Variants in CKAP5 observed in about 807,000 individuals in gnomAD.
CKAP5 encodes cytoskeleton associated protein 5.
In CKAP5, 27 loss-of-function variants were observed where a neutral mutation model predicts 232.8. The ratio of observed to expected loss-of-function variants is 0.12; its 90% CI spans 0.09 to 0.16. The LOEUF (loss-of-function observed/expected upper bound fraction) is 0.16, where lower values mean the gene tolerates loss of function less well. Among genes scored for constraint, CKAP5 ranks in the 10% least tolerant of loss-of-function variants. The probability of loss-of-function intolerance (pLI) is 1.00; values close to 1 mark genes in which losing one functional copy is unlikely to be tolerated. For missense variants in CKAP5, 1,838 were observed against 2,424.7 expected (o/e 0.76, Z 5.08); for synonymous variants, 785 against 841.1 (o/e 0.93, Z 1.16).
chr11:46,840,913 G>A (rs1354743327), intron 1 of CKAP5, among the ~76,000 whole-genome samples: 1 of 152,134 alleles, frequency 6.6e-6, no homozygotes, highest in African/African-American at 2.4e-5. Flanking sequence ...CATCTGAGTT[G>A]GGGGCAGTCT....
intron 1 of CKAP5, among the ~76,000 whole-genome samples, chr11:46,833,775 CTAAG>C (rs1225454048): frequency 6.7e-6 from 1 of 149,408 alleles, no homozygotes; most frequent in Non-Finnish European, 1.5e-5. Context: ...CTGGGCCCAG[CTAAG>C]TAAGTAGTAG....
rs1386136885 is a variant in CKAP5 at position 46,743,313 on chromosome 11, A to T, written c.*710T>A. 6.6e-6 allele frequency: 1 copy of T among 152,190 alleles called. No homozygotes were observed. The highest frequency in any genetic ancestry group is 1.5e-5 in the Non-Finnish European group (1 of 68,028). 9.4% of individuals were successfully genotyped at this position (152,190 alleles called of 1,614,324 possible). A position where few individuals can be genotyped will look rare whatever the true frequency, so the allele number is the denominator to read the frequency against. The stretch of plus-strand genomic sequence containing the variant: ...CATGACCAAAATCTCAAAACAAGGA[A>T]GGATGAGATTTTTCTGCTCCCTAGG... On this transcript the variant is annotated 3_prime_UTR_variant, in exon 44 of 44. Coordinates refer to ENST00000529230, the MANE Select transcript of CKAP5 (RefSeq NM_001008938.4).
At chr11:46,837,996 G>C (rs1194713157) in intron 1 of CKAP5, among the ~76,000 whole-genome samples, 1 of 151,914 alleles carries the variant, frequency 6.6e-6, no homozygotes, top group Non-Finnish European at 1.5e-5. Flanking sequence ...ATTCACTGTA[G>C]AAACCTCACA....
intron 18 of CKAP5, among the ~76,000 whole-genome samples, chr11:46,782,235 G>A (rs4752933): frequency 0.14 from 21,140 of 151,952 alleles, 2,472 homozygotes; most frequent in East Asian, 0.61. Context: ...ATTTAATTTC[G>A]TTCATGATGT....
intron 1 of CKAP5, among the ~76,000 whole-genome samples, chr11:46,843,084 G>C (rs113825315): frequency 1.3e-5 from 2 of 151,522 alleles, no homozygotes; most frequent in African/African-American, 4.8e-5. Context: ...AGGAGTTCAA[G>C]ACTAGCCTGG....
Position 46,777,449 on chromosome 11 carries a change from C to T in CKAP5, c.2852G>A (p.Gly951Glu), listed in dbSNP as rs768837573. Residue 951 changes from glycine (G) to glutamate (E), a missense_variant, in exon 23 of 44, where the codon GGA becomes GAA. Gly to Glu is a moderately conservative substitution (Grantham distance 98, BLOSUM62 -2). Transcript: ENST00000529230. The part of the protein sequence containing the change: ...NLGIPIITVL[G>E]DSKNNVRAAA... ...AAGAGTTAGGTTTACCTTGCTGTCT[C>T]CAAGGACTGTGATGATAGGGATGCC... 1.4e-5 allele frequency: 23 copies of T among 1,604,662 alleles called. No homozygotes were observed. The highest frequency in any genetic ancestry group is 1.7e-5 in the Non-Finnish European group (20 of 1,171,454).
intron 20 of CKAP5, among the ~76,000 whole-genome samples, chr11:46,779,294 G>A (rs888066936): frequency 6.6e-6 from 1 of 151,898 alleles, no homozygotes; most frequent in Middle Eastern, 3.2e-3. Flanking sequence ...TACCACACTC[G>A]GCTGACTTTT....
intron 11 of CKAP5, 133 bp downstream of exon 11, chr11:46,797,672 C>A: frequency 1.2e-6 from 1 of 825,166 alleles, no homozygotes; most frequent in Non-Finnish European, 1.9e-6. Flanking sequence ...AGTTTCCAAG[C>A]TGCAAAGGCT....
chr11:46,796,148 G>A (rs933208005), intron 12 of CKAP5, among the ~76,000 whole-genome samples: 2 of 125,044 alleles, frequency 1.6e-5, no homozygotes, highest in Non-Finnish European at 3.2e-5. Flanking sequence ...CTGGGTGACA[G>A]AGTGAGATTC....
chr11:46,821,194 T>C lies in CKAP5; in HGVS notation c.38A>G (p.Asp13Gly). ...TCTTACCTTGTGTTCACATTTCTGA[T>C]CAACTGGCAGTTTCAACCACTCACT... ...DDSEWLKLPV[D>G]QKCEHKLWKA... is the part of the protein sequence containing the mutation. Residue 13 changes from aspartate to glycine, a missense_variant, in exon 2 of 44, where the codon GAT (aspartate) becomes GGT (glycine). Coordinates refer to ENST00000529230, the MANE Select transcript of CKAP5 (RefSeq NM_001008938.4). The C allele has an allele frequency of 4.3e-6, 7 of 1,613,336 alleles. No homozygotes were observed. The highest frequency in any genetic ancestry group is 5.9e-6 in the Non-Finnish European group (7 of 1,179,374).
At chr11:46,766,357 T>C (rs1281286963) in intron 27 of CKAP5, among the ~76,000 whole-genome samples, 2 of 152,154 alleles carry the variant, frequency 1.3e-5, no homozygotes, top group African/African-American at 4.8e-5. Flanking sequence ...AAATAAGCAC[T>C]TGTTAAATTT....
At chr11:46,797,761 G>A in intron 11 of CKAP5, 44 bp downstream of exon 11, 1 of 1,553,222 alleles carries the variant, frequency 6.4e-7, no homozygotes, top group Non-Finnish European at 8.7e-7. Context: ...AAAGAATCTT[G>A]CCTAGGTATA....
chr11:46,784,717 CATTT>C (rs776212624), intron 16 of CKAP5, 44 bp from the exon 17 acceptor site: 4 of 1,459,010 alleles, frequency 2.7e-6, no homozygotes, highest in African/African-American at 1.4e-5. Context: ...AAGCCAAGGA[CATTT>C]ATTTATTTAC....
intron 26 of CKAP5, among the ~76,000 whole-genome samples, chr11:46,768,892 C>G (rs549501123): frequency 3.3e-5 from 5 of 151,890 alleles, no homozygotes; most frequent in Non-Finnish European, 7.4e-5. Context: ...GAATTGGTCA[C>G]AGGTTATATA....
chr11:46,784,736 A>G, intron 16 of CKAP5, 63 bp from the exon 17 acceptor site: 1 of 1,228,298 alleles, frequency 8.1e-7, no homozygotes, highest in Non-Finnish European at 1.2e-6. Context: ...ATTTACTTGT[A>G]TTAACAGCAT....
chr11:46,753,081 A>C lies in CKAP5; in HGVS notation c.5057+229T>G, dbSNP rs544204787. 5 of 459,884 alleles carry C rather than the reference A, an allele frequency of 1.1e-5. No homozygotes were observed. The Admixed American group carries it at 1.6e-4, about 14-fold the overall frequency. 28.5% of individuals were successfully genotyped at this position (459,884 alleles called of 1,614,324 possible). A position where few individuals can be genotyped will look rare whatever the true frequency, so the allele number is the denominator to read the frequency against. On this transcript the variant is annotated intron_variant, in intron 37 of 43. Transcript: ENST00000529230. ...CTAGTTTTAGCTATGGTCTCAGGCTAAAATACCTTTGGTCCATGATGAAGA... is the reference window on the plus strand; with the variant it reads ...CTAGTTTTAGCTATGGTCTCAGGCTCAAATACCTTTGGTCCATGATGAAGA...
intron 8 of CKAP5, among the ~76,000 whole-genome samples, chr11:46,802,977 T>G (rs991261665): frequency 6.6e-6 from 1 of 152,138 alleles, no homozygotes; most frequent in Non-Finnish European, 1.5e-5. Context: ...ACTTTGCAGA[T>G]TCACAGCCAG....
At chr11:46,835,986 T>G (rs1184806523) in intron 1 of CKAP5, among the ~76,000 whole-genome samples, 1 of 152,224 alleles carries the variant, frequency 6.6e-6, no homozygotes, top group Non-Finnish European at 1.5e-5. Context: ...AATTCTTGAC[T>G]AATCATGAGA....
At chr11:46,777,696 G>C (rs1349578399) in intron 22 of CKAP5, 144 bp from the exon 23 acceptor site, 4 of 584,092 alleles carry the variant, frequency 6.8e-6, no homozygotes, top group Non-Finnish European at 1.2e-5. Context: ...CATGCTATTC[G>C]ACTTAGATTA....
Sources: gnomAD v4.1 joint callset for allele counts (sites outside exome capture counted in the v4.1 genomes callset) on GRCh38, gnomAD v4.1.1 for gene constraint, MANE v1.5 for transcripts, NCBI Gene and HGNC (gene_info 2026-07-23, HGNC 2026-07-21) for gene names.